SYNE1: variants seen among roughly 807,000 people sequenced by gnomAD.
The protein encoded by SYNE1 is nesprin-1.
A neutral mutation model predicts 1,111.0 loss-of-function variants in SYNE1; 616 were observed. The ratio of observed to expected loss-of-function variants is 0.55; its 90% CI spans 0.52 to 0.59. The LOEUF (loss-of-function observed/expected upper bound fraction) is 0.59, where lower values mean the gene tolerates loss of function less well. Ranked by LOEUF, SYNE1 falls within the 20% of genes least tolerant of loss-of-function variation. SYNE1 has a pLI of 0.00. For synonymous variants in SYNE1, 3,855 were observed against 3,825.8 expected, an observed-to-expected ratio of 1.01 and a Z score of -0.28; for missense variants, 10,006 against 10,417.0, an observed-to-expected ratio of 0.96 and a Z score of 1.72.
chr6:152,172,494 C>CTGTGATG (rs35330762), intron 130 of SYNE1, among the ~76,000 whole-genome samples: 6 of 152,150 alleles, frequency 3.9e-5, no homozygotes, highest in Non-Finnish European at 5.9e-5. Context: ...TCCCTGCCCC[C>CTGTGATG]AAATCATCAC....
In SYNE1 at chr6:152,321,702, T is replaced by C. The variant is rs781589128; in HGVS notation, c.16083+19A>G. ...TTTTTGAAATGATGGGTAAAGAGAA[T>C]GAGGAGACTTTTTTGTACCTGAAGT... On this transcript the variant is annotated intron_variant, in intron 83 of 145. Transcript: ENST00000367255. The C allele has an allele frequency of 7.4e-6, 12 of 1,613,962 alleles. No homozygotes were observed. The highest frequency in any genetic ancestry group is 2.2e-5 in the South Asian group (2 of 91,072).
intron 3 of SYNE1, among the ~76,000 whole-genome samples, chr6:152,627,489 C>CCA (rs2099688030): frequency 2.8e-5 from 2 of 72,070 alleles, no homozygotes; most frequent in Non-Finnish European, 6.0e-5. Context: ...CATATCTCTA[C>CCA]TAAAAAAAAA....
Position 152,160,925 on chromosome 6 carries a change from T to C in SYNE1, c.23790+3238A>G, listed in dbSNP as rs553596434. Among the ~76,000 whole-genome samples, 474 of 152,158 alleles carry C rather than the reference T, an allele frequency of 3.1e-3. 1 individual carries two copies. The highest frequency in any genetic ancestry group is 5.3e-3 in the Admixed American group (81 of 15,270). The stretch of plus-strand genomic sequence containing the variant: ...CTTATCATCTGCAAATGCATGTTTT[T>C]CATTTTAGATATATATATGAATATA... On this transcript the variant is annotated intron_variant, in intron 131 of 145. Coordinates refer to ENST00000367255, the MANE Select transcript of SYNE1 (RefSeq NM_182961.4).
At chr6:152,169,016 T>TAAATTTTA (rs1257301112) in intron 130 of SYNE1, among the ~76,000 whole-genome samples, 3 of 152,114 alleles carry the variant, frequency 2.0e-5, no homozygotes, top group Non-Finnish European at 4.4e-5. Flanking sequence ...TTTATACTTT[T>TAAATTTTA]AAAGAAAATA....
intron 3 of SYNE1, among the ~76,000 whole-genome samples, chr6:152,541,747 C>CAAAAAAAAAAAA (rs1267855271): frequency 1.7e-5 from 1 of 60,308 alleles, no homozygotes; most frequent in Non-Finnish European, 2.8e-5. Flanking sequence ...GACTCCATCT[C>CAAAAAAAAAAAA]AAAAAAAAAA....
chr6:152,513,134 CTT>C (rs1363188334), intron 6 of SYNE1, among the ~76,000 whole-genome samples: 1 of 152,186 alleles, frequency 6.6e-6, no homozygotes. Context: ...CACATTAGTG[CTT>C]GAGAATCCTG....
At chr6:152,294,737 A>C (rs903996843) in intron 93 of SYNE1, among the ~76,000 whole-genome samples, 26 of 152,218 alleles carry the variant, frequency 1.7e-4, no homozygotes, top group African/African-American at 6.0e-4. Flanking sequence ...AAAAAAACAA[A>C]GTGAATGATG....
intron 36 of SYNE1, among the ~76,000 whole-genome samples, chr6:152,429,167 A>G (rs1341796110): frequency 6.6e-6 from 1 of 151,590 alleles, no homozygotes; most frequent in Non-Finnish European, 1.5e-5. Context: ...CCTGCTTCCC[A>G]TGTATTGACT....
chr6:152,191,590 C>A (rs1464223921), intron 127 of SYNE1, among the ~76,000 whole-genome samples: 1 of 152,116 alleles, frequency 6.6e-6, no homozygotes, highest in African/African-American at 2.4e-5. Flanking sequence ...CGCTAAAGAT[C>A]CTTTAAATTT....
At chr6:152,555,475 G>GTGTA (rs2099361882) in intron 3 of SYNE1, among the ~76,000 whole-genome samples, 1 of 152,192 alleles carries the variant, frequency 6.6e-6, no homozygotes, top group African/African-American at 2.4e-5. Flanking sequence ...TAGCCAAGGT[G>GTGTA]TGTAGTAGGC....
chr6:152,610,878 CAT>C (rs2099629405), intron 3 of SYNE1, among the ~76,000 whole-genome samples: 1 of 152,176 alleles, frequency 6.6e-6, no homozygotes, highest in Admixed American at 6.5e-5. Flanking sequence ...CCCAGAATTT[CAT>C]ATCCAGCCAA....
intron 3 of SYNE1, among the ~76,000 whole-genome samples, chr6:152,579,444 G>T (rs1465475519): frequency 6.6e-6 from 1 of 152,236 alleles, no homozygotes; most frequent in African/African-American, 2.4e-5. Context: ...ACTGCCAGAT[G>T]TATTAAGAGA....
intron 3 of SYNE1, among the ~76,000 whole-genome samples, chr6:152,611,653 G>C (rs555944757): frequency 2.2e-4 from 33 of 152,272 alleles, no homozygotes; most frequent in Admixed American, 1.3e-4. Flanking sequence ...AGACCTAATA[G>C]ACATCTACAG....
intron 76 of SYNE1, 29 bp downstream of exon 76, chr6:152,336,812 A>T: frequency 6.2e-7 from 1 of 1,609,580 alleles, no homozygotes; most frequent in Non-Finnish European, 8.5e-7. Flanking sequence ...GGCCTCTTTT[A>T]TCTCCCTTGG....
rs754584363 is a variant in SYNE1, at chr6:152,442,204, C to T, written c.3879G>A (p.Gln1293=). 59 of 1,613,466 alleles carry T rather than the reference C, an allele frequency of 3.7e-5. No individual in the cohort carries two copies. Among genetic ancestry groups the T allele is most frequent in the Non-Finnish European group, 3.6e-5 (43 of 1,180,056 alleles). The change falls in exon 31 of 146, where the codon CAG becomes CAA. Residue 1293 remains glutamine, a synonymous_variant. Transcript: ENST00000367255. ...KRISAKKRDV[Q]QQIAQAQQGE... ...CCTGCTGCGCCTGCGCGATCTGCTGCTGCACATCTCTCTTCTTTGCTGAGA... is the reference window on the plus strand; with the variant it reads ...CCTGCTGCGCCTGCGCGATCTGCTGTTGCACATCTCTCTTCTTTGCTGAGA...
At chr6:152,519,801 A>C (rs1017451198) in intron 6 of SYNE1, among the ~76,000 whole-genome samples, 1 of 152,208 alleles carries the variant, frequency 6.6e-6, no homozygotes, top group Non-Finnish European at 1.5e-5. Context: ...TACCATAGGA[A>C]AGCATGGCAG....
chr6:152,498,699 A>G lies in SYNE1; in HGVS notation c.939+43T>C, dbSNP rs774311910. On this transcript the variant is annotated intron_variant, in intron 11 of 145. Transcript: ENST00000367255. ...TGACTAAAATGCTACAGAATGCAGG[A>G]TGTTTGAAAGAGGTCATCAATGCAA... The G allele has an allele frequency of 2.2e-6, 3 of 1,343,482 alleles. No homozygotes were observed. In the South Asian group the frequency reaches 4.1e-5, roughly 18 times the overall value. The allele number at this position is 1,343,482 out of a possible 1,614,324, so 83.2% of individuals were successfully genotyped here. A position where few individuals can be genotyped will look rare whatever the true frequency, so the allele number is the denominator to read the frequency against.
chr6:152,330,438 T>C lies in SYNE1; in HGVS notation c.14247A>G (p.Pro4749=), dbSNP rs754398455. The change falls in exon 78 of 146, where the codon CCA becomes CCG. Residue 4749 remains proline, a synonymous_variant. Coordinates refer to ENST00000367255, the MANE Select transcript of SYNE1 (RefSeq NM_182961.4). ...AGGTGACAAGGTGCAGCATCTTGTC[T>C]GGCTGCCAAGGCTGACCTGTGCTGC... The part of the protein sequence containing the change: ...GFRSTGQPWQ[P]DKMLHLVTLY... 2.0e-5 allele frequency: 32 copies of C among 1,614,200 alleles called. No homozygotes were observed. The highest frequency in any genetic ancestry group is 2.5e-5 in the Non-Finnish European group (30 of 1,180,036).
At chr6:152,194,744 C>A (rs761864932) in intron 127 of SYNE1, among the ~76,000 whole-genome samples, 7 of 151,988 alleles carry the variant, frequency 4.6e-5, no homozygotes, top group Non-Finnish European at 8.8e-5. Flanking sequence ...TTCAAGCTCA[C>A]GAATTCTTTC....
Sources: allele counts gnomAD v4.1 joint callset (sites outside exome capture counted in the v4.1 genomes callset), GRCh38; gene constraint gnomAD v4.1.1; transcripts MANE v1.5; gene names NCBI Gene and HGNC (gene_info 2026-07-23, HGNC 2026-07-21).